RAB3C: variants seen among roughly 807,000 people sequenced by gnomAD.
RAB3C encodes the protein RAB3C, member RAS oncogene family, also known as ras-related protein Rab-3C.
In RAB3C, 17 loss-of-function variants were observed where a neutral mutation model predicts 26.4. The ratio of observed to expected loss-of-function variants is 0.64; its 90% confidence interval spans 0.44 to 0.97. The LOEUF is 0.97. Among genes scored for constraint, RAB3C ranks in the 50% least tolerant of loss-of-function variants. The probability of loss-of-function intolerance (pLI) is 0.00; values close to 1 mark genes in which losing one functional copy is unlikely to be tolerated. For synonymous variants in RAB3C, 91 were observed against 95.9 expected (o/e 0.95, Z 0.30); for missense variants, 242 against 281.9 (o/e 0.86, Z 1.01).
chr5:58,592,344 T>C (rs1746151509), intron 1 of RAB3C, among the ~76,000 whole-genome samples: 1 of 152,220 alleles, frequency 6.6e-6, no homozygotes, highest in African/African-American at 2.4e-5. Context: ...TTTGCTATGA[T>C]ATAATTTCAT....
At chr5:58,639,194 T>A (rs1286070762) in intron 2 of RAB3C, among the ~76,000 whole-genome samples, 1 of 152,212 alleles carries the variant, frequency 6.6e-6, no homozygotes, top group Non-Finnish European at 1.5e-5. Flanking sequence ...CTCATTGAAA[T>A]GAGTGAGCTA....
intron 2 of RAB3C, among the ~76,000 whole-genome samples, chr5:58,707,373 A>G (rs2111889602): frequency 6.6e-6 from 1 of 152,344 alleles, no homozygotes; most frequent in East Asian, 1.9e-4. Flanking sequence ...AGAAATAAAG[A>G]AAGAGCAGCT....
At position 58,826,333 on chromosome 5, in the gene RAB3C, G is replaced by A. The variant is rs575213904; in HGVS notation, c.496+1171G>A. Among the ~76,000 whole-genome samples, 3 of 152,246 alleles carry A rather than the reference G, an allele frequency of 2.0e-5. No individual in the cohort carries two copies. In the East Asian group the frequency reaches 5.8e-4, roughly 29 times the overall value. Reference sequence around the variant, plus strand: ...AAGGAGATGAGGCATTATGAGTAAAGGGCACAGTCATGCATGGACATTGAG... The same window carrying A: ...AAGGAGATGAGGCATTATGAGTAAAAGGCACAGTCATGCATGGACATTGAG... On this transcript the variant is annotated intron_variant, in intron 4 of 4. Transcript: ENST00000282878.
intron 3 of RAB3C, among the ~76,000 whole-genome samples, chr5:58,764,722 TC>T (rs1741862323): frequency 6.6e-6 from 1 of 151,586 alleles, no homozygotes; most frequent in South Asian, 2.1e-4. Context: ...TAAAAAAAAA[TC>T]TGCCGATAAT....
intron 2 of RAB3C, among the ~76,000 whole-genome samples, chr5:58,636,529 G>A (rs1747292516): frequency 6.6e-6 from 1 of 152,074 alleles, no homozygotes; most frequent in African/African-American, 2.4e-5. Flanking sequence ...CTGTGTTCTT[G>A]AGTCTTCTGA....
At chr5:58,611,911 C>T (rs984795723) in intron 1 of RAB3C, among the ~76,000 whole-genome samples, 4 of 151,806 alleles carry the variant, frequency 2.6e-5, no homozygotes, top group Admixed American at 6.6e-5. Flanking sequence ...TTTTGTATAT[C>T]GTGTAAGGAA....
At chr5:58,846,503 C>T (rs796800269) in intron 4 of RAB3C, among the ~76,000 whole-genome samples, 8 of 152,218 alleles carry the variant, frequency 5.3e-5, no homozygotes, top group African/African-American at 1.2e-4. Flanking sequence ...CTCAGCCTCC[C>T]GAGTAGCTGG....
chr5:58,745,967 C>T (rs1741394679), intron 3 of RAB3C, among the ~76,000 whole-genome samples: 1 of 152,206 alleles, frequency 6.6e-6, no homozygotes, highest in Admixed American at 6.5e-5. Context: ...TCTTATCCTA[C>T]ATAAATACCC....
chr5:58,761,045 T>C (rs60974903), intron 3 of RAB3C, among the ~76,000 whole-genome samples: 14 of 137,926 alleles, frequency 1.0e-4, no homozygotes, highest in East Asian at 4.5e-4. Context: ...TCTCTCTCTC[T>C]CTCCCTCTCT....
intron 2 of RAB3C, among the ~76,000 whole-genome samples, chr5:58,657,422 C>A (rs1747805968): frequency 6.6e-6 from 1 of 151,562 alleles, no homozygotes; most frequent in South Asian, 2.1e-4. Context: ...CGGGGAAGGA[C>A]TTTCCAAAGA....
intron 3 of RAB3C, among the ~76,000 whole-genome samples, chr5:58,793,503 G>A (rs932780125): frequency 6.9e-6 from 1 of 144,638 alleles, no homozygotes; most frequent in Non-Finnish European, 1.5e-5. Flanking sequence ...GTTGCAGTGA[G>A]CCAAGATCGT....
intron 3 of RAB3C, among the ~76,000 whole-genome samples, chr5:58,807,046 G>A (rs1046912519): frequency 2.8e-4 from 42 of 152,156 alleles, no homozygotes; most frequent in Non-Finnish European, 5.4e-4. Flanking sequence ...AACCAGAATC[G>A]CCTGAGTAAT....
chr5:58,665,532 T>C (rs62369181), intron 2 of RAB3C, among the ~76,000 whole-genome samples: 5,532 of 152,284 alleles, frequency 0.036, 132 homozygotes, highest in Middle Eastern at 0.082. Flanking sequence ...TATTTATTAG[T>C]ACCAAAGAAA....
intron 3 of RAB3C, among the ~76,000 whole-genome samples, chr5:58,807,378 G>A (rs185999967): frequency 9.5e-4 from 145 of 152,332 alleles, no homozygotes; most frequent in African/African-American, 3.3e-3. Context: ...TATGTTGTGA[G>A]CTCTGAGAAC....
chr5:58,655,922 G>A (rs1349300439), intron 2 of RAB3C, among the ~76,000 whole-genome samples: 1 of 148,612 alleles, frequency 6.7e-6, no homozygotes, highest in African/African-American at 2.5e-5. Flanking sequence ...CAGCCTCTCC[G>A]AGTAGCTGGG....
chr5:58,692,595 ACT>A (rs1427116978), intron 2 of RAB3C, among the ~76,000 whole-genome samples: 1 of 152,088 alleles, frequency 6.6e-6, no homozygotes, highest in Non-Finnish European at 1.5e-5. Flanking sequence ...TGATAATAGC[ACT>A]TCATTCAAAT....
At chr5:58,815,993 C>T (rs1445413278) in intron 3 of RAB3C, among the ~76,000 whole-genome samples, 1 of 152,130 alleles carries the variant, frequency 6.6e-6, no homozygotes, top group East Asian at 1.9e-4. Context: ...CAGGTGATTT[C>T]TTGCAAAACT....
intron 2 of RAB3C, among the ~76,000 whole-genome samples, chr5:58,658,789 G>A (rs991615452): frequency 2.0e-5 from 3 of 152,162 alleles, no homozygotes; most frequent in African/African-American, 7.2e-5. Flanking sequence ...AGGCAATGGG[G>A]TTACTGAGCC....
chr5:58,770,899 G>T (rs1041855629), intron 3 of RAB3C, among the ~76,000 whole-genome samples: 4 of 151,984 alleles, frequency 2.6e-5, no homozygotes, highest in Non-Finnish European at 5.9e-5. Flanking sequence ...ACTCACACAC[G>T]TAAAAACATG....
Sources: gnomAD v4.1 joint callset for allele counts (sites outside exome capture counted in the v4.1 genomes callset) on GRCh38, gnomAD v4.1.1 for gene constraint, MANE v1.5 for transcripts, NCBI Gene and HGNC (gene_info 2026-07-23, HGNC 2026-07-21) for gene names.